The following ELF2 variants were observed in gnomAD, a reference collection of about 807,000 sequenced individuals.
The protein encoded by ELF2 is E74 like ETS transcription factor 2.
ELF2 carries 11 observed loss-of-function variants against 54.8 expected under a neutral mutation model. The observed-to-expected ratio is 0.20, with a 90% CI of 0.13 to 0.33. The LOEUF is 0.33. ELF2 is among the 10% of genes least tolerant of loss of function. ELF2 has a pLI of 1.00. For synonymous variants in ELF2, 203 were observed against 245.1 expected (o/e 0.83, Z 1.61); for missense variants, 513 against 703.0 (o/e 0.73, Z 3.06).
At position 139,072,043 on chromosome 4, in the gene ELF2, TA is replaced by T. The variant is rs770148804; in HGVS notation, c.353-5del. On this transcript the variant is annotated splice_polypyrimidine_tract_variant and splice_region_variant and intron_variant, in intron 5 of 9. Coordinates refer to ENST00000686138, the MANE Select transcript of ELF2 (RefSeq NM_001331036.3). ...CAAGGAGGAACAAACACTTCCACTA[TA>T]AAAAAAAGTTGAAAAATTAAAATTT... is the stretch of plus-strand genomic sequence containing the variant. 11 of 1,603,936 alleles carry T rather than the reference TA, an allele frequency of 6.9e-6. No individual in the cohort carries two copies. Among genetic ancestry groups the T allele is most frequent in the South Asian group, 4.5e-5 (4 of 89,170 alleles).
intron 1 of ELF2, among the ~76,000 whole-genome samples, chr4:139,170,265 T>C (rs1742148885): frequency 7.4e-6 from 1 of 135,120 alleles, no homozygotes; most frequent in Non-Finnish European, 1.6e-5. Context: ...TCGCCTTTTT[T>C]TTTTTTTTTT....
intron 4 of ELF2, among the ~76,000 whole-genome samples, chr4:139,120,368 C>T (rs1736191830): frequency 6.6e-6 from 1 of 152,340 alleles, no homozygotes; most frequent in South Asian, 2.1e-4. Flanking sequence ...ACTCATACTA[C>T]AATAGCTAGT....
chr4:139,115,540 C>G (rs1231748006), intron 4 of ELF2, among the ~76,000 whole-genome samples: 4 of 151,614 alleles, frequency 2.6e-5, no homozygotes, highest in Non-Finnish European at 4.4e-5. Flanking sequence ...GCCGCGCCCC[C>G]TGACATGGAT....
intron 4 of ELF2, among the ~76,000 whole-genome samples, chr4:139,092,509 C>G (rs13106405): frequency 0.96 from 145,437 of 151,536 alleles, 69,934 homozygotes; most frequent in South Asian, 0.99. Context: ...TCTAATCCCA[C>G]CACTTTGAGA....
chr4:139,065,286 T>C (rs573781859), intron 7 of ELF2, among the ~76,000 whole-genome samples: 1 of 152,120 alleles, frequency 6.6e-6, no homozygotes, highest in South Asian at 2.1e-4. Context: ...GAGAATAGCC[T>C]AGGCAACATA....
chr4:139,148,021 G>C (rs1018823608), intron 1 of ELF2, among the ~76,000 whole-genome samples: 1 of 150,488 alleles, frequency 6.6e-6, no homozygotes, highest in East Asian at 2.0e-4. Context: ...CTTGACTTCA[G>C]GTGATCCGCC....
At chr4:139,088,102 G>GGT (rs1732186565) in intron 4 of ELF2, among the ~76,000 whole-genome samples, 1 of 151,966 alleles carries the variant, frequency 6.6e-6, no homozygotes, top group South Asian at 2.1e-4. Context: ...GCCTGGCCAA[G>GGT]GTGGTGACAG....
In ELF2 at chr4:139,164,079, AGAGGGAGG is replaced by A. The variant is rs1741453735; in HGVS notation, c.-252+12880_-252+12887del. Among the ~76,000 whole-genome samples, 8 of 146,770 alleles carry A rather than the reference AGAGGGAGG, an allele frequency of 5.5e-5. 1 individual carries two copies. In the South Asian group the frequency reaches 1.8e-3, roughly 34 times the overall value. On this transcript the variant is annotated intron_variant, in intron 1 of 9. Transcript: ENST00000686138. ...GAGAAAGAGTGGGGGTGAGAGAGAAAGAGGGAGGGAGAGAGGGAGAGAGAGAAAGAGGG... is the reference window on the plus strand; with the variant it reads ...GAGAAAGAGTGGGGGTGAGAGAGAAAGAGAGAGGGAGAGAGAGAAAGAGGG...
intron 4 of ELF2, 71 bp downstream of exon 4, chr4:139,125,093 C>A (rs1038632810): frequency 1.3e-6 from 2 of 1,529,698 alleles, no homozygotes; most frequent in African/African-American, 2.8e-5. Flanking sequence ...TATTTTTCAT[C>A]TGGCAATAGT....
intron 4 of ELF2, among the ~76,000 whole-genome samples, chr4:139,079,794 C>T (rs1269777135): frequency 2.0e-5 from 3 of 152,148 alleles, no homozygotes; most frequent in Non-Finnish European, 2.9e-5. Context: ...CGCCTGTAAT[C>T]CCAGCTACTT....
At chr4:139,120,327 C>A (rs1736186158) in intron 4 of ELF2, among the ~76,000 whole-genome samples, 1 of 152,104 alleles carries the variant, frequency 6.6e-6, no homozygotes, top group Admixed American at 6.6e-5. Flanking sequence ...TTGCTACTAC[C>A]TTGTTTTAAT....
intron 1 of ELF2, among the ~76,000 whole-genome samples, chr4:139,159,204 G>C (rs757803633): frequency 1.9e-4 from 29 of 152,178 alleles, no homozygotes; most frequent in Admixed American, 3.3e-4. Context: ...CCCCGAGCTT[G>C]ATGTGTAGGG....
intron 3 of ELF2, among the ~76,000 whole-genome samples, chr4:139,131,798 CAA>C (rs70940495): frequency 1.3e-3 from 171 of 135,470 alleles, no homozygotes; most frequent in Admixed American, 1.5e-3. Flanking sequence ...TTCATAATGC[CAA>C]AAAAAAAAAA....
rs200922220 is a variant in ELF2 at position 139,103,604 on chromosome 4, C to A, written c.238+21560G>T. ...CCTCCATGACCCTTCCCCAATACTT[C>A]ACGCCCTATGCATTTCTTCATCTGT... is the stretch of plus-strand genomic sequence containing the variant. On this transcript the variant is annotated intron_variant, in intron 4 of 9. Coordinates refer to ENST00000686138, the MANE Select transcript of ELF2 (RefSeq NM_001331036.3). Among the ~76,000 whole-genome samples the A allele has an allele frequency of 4.6e-5, 7 of 152,354 alleles. No individual in the cohort carries two copies. In the East Asian group the frequency reaches 1.3e-3, roughly 29 times the overall value.
At chr4:139,088,619 C>G (rs1732247738) in intron 4 of ELF2, among the ~76,000 whole-genome samples, 1 of 152,166 alleles carries the variant, frequency 6.6e-6, no homozygotes, top group African/African-American at 2.4e-5. Context: ...TCACCCACTT[C>G]TACACAACCG....
rs1429073658 is a variant in ELF2, at chr4:139,060,578, A to G, written c.903T>C (p.Asp301=). The change falls in exon 9 of 10, where the codon GAT becomes GAC. Residue 301 remains aspartate (D), a synonymous_variant. Coordinates refer to ENST00000686138, the MANE Select transcript of ELF2 (RefSeq NM_001331036.3). ...CTTCATTACAGGTTTCACTTTTGTC[A>G]TCATCTATGACCACTATGTTTTTCG... ...DMPKNIVVID[D]DKSETCNEDL... is the part of the protein sequence containing the mutation. The G allele has an allele frequency of 1.9e-6, 3 of 1,614,148 alleles. No homozygotes were observed. The highest frequency in any genetic ancestry group is 2.5e-6 in the Non-Finnish European group (3 of 1,180,032).
At chr4:139,090,797 G>C (rs775375611) in intron 4 of ELF2, among the ~76,000 whole-genome samples, 1 of 152,098 alleles carries the variant, frequency 6.6e-6, no homozygotes, top group Non-Finnish European at 1.5e-5. Context: ...ATTTTGCCAC[G>C]TTGGCCAGGC....
At chr4:139,154,524 T>C (rs1740332907) in intron 1 of ELF2, among the ~76,000 whole-genome samples, 1 of 151,674 alleles carries the variant, frequency 6.6e-6, no homozygotes, top group Non-Finnish European at 1.5e-5. Flanking sequence ...GGCAACTGTG[T>C]CAGGCAAACT....
chr4:139,081,750 T>C (rs1472541572), intron 4 of ELF2, among the ~76,000 whole-genome samples: 1 of 152,194 alleles, frequency 6.6e-6, no homozygotes, highest in Non-Finnish European at 1.5e-5. Context: ...TGGGCCATCT[T>C]TCCTCCCTAA....
Sources: gnomAD v4.1 joint callset for allele counts (sites outside exome capture counted in the v4.1 genomes callset) on GRCh38, gnomAD v4.1.1 for gene constraint, MANE v1.5 for transcripts, NCBI Gene and HGNC (gene_info 2026-07-23, HGNC 2026-07-21) for gene names.